The following PTPN12 variants were observed in gnomAD, a reference collection of about 807,000 sequenced individuals.
PTPN12 encodes the protein protein tyrosine phosphatase non-receptor type 12.
A neutral mutation model predicts 97.6 loss-of-function variants in PTPN12; 29 were observed. That is an observed-to-expected ratio of 0.30 (90% CI 0.22 to 0.41). The LOEUF (loss-of-function observed/expected upper bound fraction) is 0.41, where lower values mean the gene tolerates loss of function less well. Ranked by LOEUF, PTPN12 falls within the 10% of genes least tolerant of loss-of-function variation. The pLI, the probability that PTPN12 is intolerant of heterozygous loss-of-function variation, is 1.00. For synonymous variants in PTPN12, 327 were observed against 300.4 expected, an observed-to-expected ratio of 1.09 and a Z score of -0.91; for missense variants, 819 against 926.0, an observed-to-expected ratio of 0.88 and a Z score of 1.50.
At chr7:77,636,612 C>T (rs1789602276) in intron 15 of PTPN12, among the ~76,000 whole-genome samples, 1 of 152,092 alleles carries the variant, frequency 6.6e-6, no homozygotes, top group Non-Finnish European at 1.5e-5. Context: ...TAGGAGATAA[C>T]ATTTTTTATT....
At chr7:77,560,179 A>G (rs1807933321) in intron 1 of PTPN12, among the ~76,000 whole-genome samples, 1 of 152,160 alleles carries the variant, frequency 6.6e-6, no homozygotes, top group Non-Finnish European at 1.5e-5. Flanking sequence ...ACTTAAAAAT[A>G]TTTTTTGGGA....
intron 8 of PTPN12, among the ~76,000 whole-genome samples, chr7:77,604,423 C>T (rs187016131): frequency 1.6e-4 from 24 of 152,000 alleles, no homozygotes; most frequent in Middle Eastern, 3.4e-3. Flanking sequence ...CCATGTTTGT[C>T]AGGCTGGTCT....
chr7:77,635,452 G>A (rs1287333845), intron 14 of PTPN12, among the ~76,000 whole-genome samples: 2 of 152,176 alleles, frequency 1.3e-5, no homozygotes, highest in African/African-American at 4.8e-5. Context: ...CAATGAAACG[G>A]TATACTTCAG....
intron 12 of PTPN12, 146 bp downstream of exon 12, chr7:77,618,711 AT>A: frequency 1.7e-6 from 1 of 575,624 alleles, no homozygotes; most frequent in Non-Finnish European, 2.9e-6. Flanking sequence ...ATGACAACTG[AT>A]TTGTTACTGG....
intron 8 of PTPN12, among the ~76,000 whole-genome samples, chr7:77,602,496 TA>T (rs778553099): frequency 2.6e-5 from 4 of 152,174 alleles, no homozygotes; most frequent in Non-Finnish European, 5.9e-5. Context: ...TGACCGGGTA[TA>T]GTGGCTCAGT....
At chr7:77,563,022 ATATT>A (rs1182181608) in intron 1 of PTPN12, among the ~76,000 whole-genome samples, 1 of 151,104 alleles carries the variant, frequency 6.6e-6, no homozygotes, top group Non-Finnish European at 1.5e-5. Context: ...ATGATTTGCC[ATATT>A]TATTATTTTA....
Position 77,639,253 on chromosome 7 carries a change from A to AAG in PTPN12, c.2320_2321dup (p.Asp774GlufsTer13). The stretch of plus-strand genomic sequence containing the variant: ...ATCGATGTGGAAAACCCAAAGGACC[A>AAG]AGAGATCCACCTTCAGAATGGACAT... On this transcript the variant is annotated frameshift_variant, in exon 18 of 18. Transcript: ENST00000248594. LOFTEE classifies it high-confidence loss of function. The AAG allele has an allele frequency of 6.2e-7, 1 of 1,613,030 alleles. No individual in the cohort carries two copies. The highest frequency in any genetic ancestry group is 8.5e-7 in the Non-Finnish European group (1 of 1,179,444).
intron 8 of PTPN12, among the ~76,000 whole-genome samples, chr7:77,603,883 C>CCT (rs1788265571): frequency 1.1e-5 from 1 of 87,870 alleles, no homozygotes; most frequent in Admixed American, 1.5e-4. Context: ...TTTTTGTTTG[C>CCT]TTTTTTTTTT....
chr7:77,538,811 C>G (rs1409328633), intron 1 of PTPN12: 2 of 151,682 alleles, frequency 1.3e-5, no homozygotes, highest in Admixed American at 6.6e-5. Context: ...GCTGCTCCTA[C>G]GGATATTGCG....
chr7:77,567,511 A>C (rs1045581543), intron 1 of PTPN12, among the ~76,000 whole-genome samples: 1 of 152,194 alleles, frequency 6.6e-6, no homozygotes, highest in African/African-American at 2.4e-5. Context: ...AAGACACAGA[A>C]AAATGATTAT....
Position 77,610,967 on chromosome 7 carries a change from A to T in PTPN12, c.860A>T (p.His287Leu). 6.2e-7 allele frequency: 1 copy of T among 1,612,444 alleles called. No homozygotes were observed. The highest frequency in any genetic ancestry group is 8.5e-7 in the Non-Finnish European group (1 of 1,179,354). ...VQTKEQYELV[H>L]RAIAQLFEKQ... ...TCATAGGAGCAATATGAACTTGTTC[A>T]TAGAGCTATTGCCCAACTGTTTGAA... The change falls in exon 11 of 18, where the codon CAT becomes CTT. Residue 287 changes from histidine (H) to leucine (L), a missense_variant. His to Leu is a moderately conservative substitution (Grantham distance 99). Coordinates refer to ENST00000248594, the MANE Select transcript of PTPN12 (RefSeq NM_002835.4).
At chr7:77,572,414 C>T (rs931031687) in intron 2 of PTPN12, among the ~76,000 whole-genome samples, 1 of 152,046 alleles carries the variant, frequency 6.6e-6, no homozygotes, top group Non-Finnish European at 1.5e-5. Context: ...TATTTTGATG[C>T]CATTGATCAA....
intron 2 of PTPN12, among the ~76,000 whole-genome samples, chr7:77,576,673 G>T (rs1162033498): frequency 2.6e-5 from 4 of 152,104 alleles, no homozygotes; most frequent in Non-Finnish European, 5.9e-5. Flanking sequence ...CTCCAACCTG[G>T]GTGACAGAGC....
chr7:77,604,134 C>T (rs1430089619), intron 8 of PTPN12, among the ~76,000 whole-genome samples: 6 of 151,010 alleles, frequency 4.0e-5, no homozygotes, highest in East Asian at 1.9e-4. Context: ...ATGATCTGCC[C>T]GCCTCCACCT....
chr7:77,554,025 G>A lies in PTPN12; in HGVS notation c.99+16380G>A, dbSNP rs551371210. ...TTAGTTGCTTAGGCTGGAATGCAGT[G>A]GCATGTCATAGCTCACTGTAACCTC... is the stretch of plus-strand genomic sequence containing the variant. On this transcript the variant is annotated intron_variant, in intron 1 of 17. Coordinates refer to ENST00000248594, the MANE Select transcript of PTPN12 (RefSeq NM_002835.4). Among the ~76,000 whole-genome samples, 17 of 152,174 alleles carry A rather than the reference G, an allele frequency of 1.1e-4. No individual in the cohort carries two copies. The South Asian group carries it at 3.3e-3, about 30-fold the overall frequency.
In PTPN12 at chr7:77,537,318, A is replaced by C; in HGVS notation, c.-229A>C. On this transcript the variant is annotated 5_prime_UTR_variant, in exon 1 of 18. Transcript: ENST00000248594. Reference sequence around the variant, plus strand: ...GCGCTAGCGCAGCGGCTCGCCTGGTACTGTGGGAGAGCGGCGGCTGCTCCT... The same window carrying C: ...GCGCTAGCGCAGCGGCTCGCCTGGTCCTGTGGGAGAGCGGCGGCTGCTCCT... 7 of 452,716 alleles carry C rather than the reference A, an allele frequency of 1.5e-5. No individual in the cohort carries two copies. The highest frequency in any genetic ancestry group is 1.0e-4 in the East Asian group (2 of 19,948). 28.0% of individuals were successfully genotyped at this position (452,716 alleles called of 1,614,324 possible). A position where few individuals can be genotyped will look rare whatever the true frequency, so the allele number is the denominator to read the frequency against.
At chr7:77,631,953 A>G (rs1789413154) in intron 13 of PTPN12, among the ~76,000 whole-genome samples, 2 of 152,342 alleles carry the variant, frequency 1.3e-5, no homozygotes, top group South Asian at 2.1e-4. Flanking sequence ...GTGTTAAGCA[A>G]TTGAATCCTG....
chr7:77,597,805 C>T (rs764955359), intron 6 of PTPN12, 37 bp from the exon 7 acceptor site: 35 of 1,586,396 alleles, frequency 2.2e-5, no homozygotes, highest in Admixed American at 3.7e-5. Flanking sequence ...TTTGTTTTAA[C>T]GTTTTCACTG....
chr7:77,633,331 A>G (rs1056771742), intron 14 of PTPN12, among the ~76,000 whole-genome samples: 2 of 152,002 alleles, frequency 1.3e-5, no homozygotes, highest in African/African-American at 4.8e-5. Context: ...CATTAAAAAT[A>G]GCACTTATTG....
Sources: gnomAD v4.1 joint callset for allele counts (sites outside exome capture counted in the v4.1 genomes callset) on GRCh38, gnomAD v4.1.1 for gene constraint, MANE v1.5 for transcripts, NCBI Gene and HGNC (gene_info 2026-07-23, HGNC 2026-07-21) for gene names.